Variants in MRE11 observed in about 807,000 individuals in gnomAD.
MRE11 encodes the protein double-strand break repair protein MRE11.
In MRE11, 62 loss-of-function variants were observed where a neutral mutation model predicts 91.7. The observed-to-expected ratio is 0.68, with a 90% CI of 0.55 to 0.84. MRE11 has a LOEUF of 0.84. Ranked by LOEUF, MRE11 falls within the 40% of genes least tolerant of loss-of-function variation. The pLI is 0.00. For missense variants in MRE11, 796 were observed against 852.9 expected, an observed-to-expected ratio of 0.93 and a Z score of 0.83; for synonymous variants, 273 against 271.4, an observed-to-expected ratio of 1.01 and a Z score of -0.06.
chr11:94,453,688 T>C (rs1946174046), intron 14 of MRE11, among the ~76,000 whole-genome samples: 1 of 152,232 alleles, frequency 6.6e-6, no homozygotes, highest in South Asian at 2.1e-4. Flanking sequence ...TGTTGAGCTT[T>C]AGAAGTTTTA....
At chr11:94,432,740 A>T (rs1348133831) in intron 18 of MRE11, among the ~76,000 whole-genome samples, 1 of 152,212 alleles carries the variant, frequency 6.6e-6, no homozygotes, top group African/African-American at 2.4e-5. Flanking sequence ...CAGGAGGCGG[A>T]GCTTGCAGTG....
Position 94,445,875 on chromosome 11 carries a change from G to A in MRE11, c.1802C>T (p.Thr601Ile). The change falls in exon 16 of 20, where the codon ACT becomes ATT. Residue 601 changes from threonine (T) to isoleucine (I), a missense_variant. Physicochemically the swap from Thr to Ile is moderately conservative, Grantham distance 89 (BLOSUM62 -1). Coordinates refer to ENST00000323929, the MANE Select transcript of MRE11 (RefSeq NM_005591.4). ...QRGRADTGLE[T>I]STRSRNSKTA... ...CTTTGAGTTCCTGCTACGGGTAGAA[G>A]TCTCCAGACCAGTGTCTGCTGTTAG... The A allele has an allele frequency of 6.2e-7, 1 of 1,613,644 alleles. No individual in the cohort carries two copies. Among genetic ancestry groups the A allele is most frequent in the Non-Finnish European group, 8.5e-7 (1 of 1,179,566 alleles).
intron 14 of MRE11, among the ~76,000 whole-genome samples, chr11:94,448,310 C>T (rs1355628221): frequency 6.6e-6 from 1 of 152,164 alleles, no homozygotes; most frequent in Middle Eastern, 3.4e-3. Flanking sequence ...GGCGCAGTGG[C>T]TCACACCTGT....
Position 94,490,878 on chromosome 11 carries a change from C to T in MRE11, c.108G>A (p.Thr36=), listed in dbSNP as rs763003456. The change falls in exon 3 of 20, where the codon ACG becomes ACA. Residue 36 remains threonine (T), a synonymous_variant. Coordinates refer to ENST00000323929, the MANE Select transcript of MRE11 (RefSeq NM_005591.4). ...MEKDAVRGND[T]FVTLDEILRL... is the part of the protein sequence containing the mutation. ...TTAAAATTTCATCGAGTGTTACAAA[C>T]GTATCATTTCCTCTGACTGCATCTT... 6.2e-6 allele frequency: 10 copies of T among 1,613,008 alleles called. No individual in the cohort carries two copies. The highest frequency in any genetic ancestry group is 3.3e-5 in the Admixed American group (2 of 60,014).
chr11:94,492,590 C>A, intron 2 of MRE11, 192 bp downstream of exon 2: 1 of 969,188 alleles, frequency 1.0e-6, no homozygotes. Context: ...TCTATAGCTG[C>A]ATATTAGCTT....
intron 5 of MRE11, among the ~76,000 whole-genome samples, chr11:94,479,341 C>G (rs1260165774): frequency 6.6e-6 from 1 of 152,090 alleles, no homozygotes; most frequent in Admixed American, 6.5e-5. Context: ...CTTGAACAAT[C>G]ATTTCCTAAA....
In MRE11 at chr11:94,419,828, G is replaced by A. The variant is rs113799771; in HGVS notation, c.*297C>T. 1 of 252,868 alleles carries A rather than the reference G, an allele frequency of 4.0e-6. No homozygotes were observed. The allele number at this position is 252,868 out of a possible 1,614,324, so 15.7% of individuals were successfully genotyped here. On this transcript the variant is annotated 3_prime_UTR_variant, in exon 20 of 20. Transcript: ENST00000323929. ...TTATAAGCTCTTTCCCTCAACTTTG[G>A]CTAAATGTAACCATATTAAAATACT...
chr11:94,472,040 A>C (rs556011952), intron 7 of MRE11, among the ~76,000 whole-genome samples: 113 of 152,146 alleles, frequency 7.4e-4, no homozygotes, highest in Non-Finnish European at 1.4e-3. Context: ...CATAGGAAGG[A>C]TTTCCCCTTT....
chr11:94,473,320 A>G (rs1783000639), intron 7 of MRE11: 1 of 152,164 alleles, frequency 6.6e-6, no homozygotes, highest in South Asian at 2.1e-4. Flanking sequence ...TTGTGCCTTC[A>G]TTGAGTGCTG....
intron 5 of MRE11, 84 bp downstream of exon 5, chr11:94,479,590 G>A: frequency 8.3e-7 from 1 of 1,197,966 alleles, no homozygotes; most frequent in Non-Finnish European, 1.2e-6. Flanking sequence ...TACACAATGA[G>A]AAAAAGGGAA....
At chr11:94,450,402 G>A (rs1170885095) in intron 14 of MRE11, among the ~76,000 whole-genome samples, 1 of 152,098 alleles carries the variant, frequency 6.6e-6, no homozygotes, top group Non-Finnish European at 1.5e-5. Flanking sequence ...TAATTAATAA[G>A]ATAGATCTAA....
intron 14 of MRE11, 56 bp downstream of exon 14, chr11:94,456,220 T>C: frequency 1.3e-6 from 2 of 1,506,104 alleles, no homozygotes; most frequent in East Asian, 4.5e-5. Context: ...ACCTACTGGT[T>C]ATTCTAGTTT....
chr11:94,422,059 AT>A (rs985199916), intron 19 of MRE11, among the ~76,000 whole-genome samples: 2 of 152,234 alleles, frequency 1.3e-5, no homozygotes, highest in African/African-American at 4.8e-5. Context: ...ACAATTAACA[AT>A]TTTTTAAATA....
intron 18 of MRE11, among the ~76,000 whole-genome samples, chr11:94,430,420 A>G (rs1381047174): frequency 6.6e-6 from 1 of 152,172 alleles, no homozygotes; most frequent in South Asian, 2.1e-4. Flanking sequence ...AACCATGGGA[A>G]CATTGAAATA....
At chr11:94,476,616 G>A (rs2135072932) in intron 6 of MRE11, among the ~76,000 whole-genome samples, 1 of 151,946 alleles carries the variant, frequency 6.6e-6, no homozygotes, top group Admixed American at 6.6e-5. Context: ...ATGTTGTCCA[G>A]GCTGGTCTCA....
Position 94,437,198 on chromosome 11 carries a change from G to T in MRE11, c.1905C>A (p.Val635=). The T allele has an allele frequency of 6.2e-7, 1 of 1,612,802 alleles. No homozygotes were observed. The highest frequency in any genetic ancestry group is 1.1e-5 in the South Asian group (1 of 90,880). The part of the protein sequence containing the change: ...KSTRQQPSRN[V]TTKNYSEVIE... ...TTACCTCTGAATAATTCTTAGTAGTGACATTTCGGGAAGGCTGCTGTCTTG... is the reference window on the plus strand; with the variant it reads ...TTACCTCTGAATAATTCTTAGTAGTTACATTTCGGGAAGGCTGCTGTCTTG... The change falls in exon 17 of 20, where the codon GTC becomes GTA. Residue 635 remains valine (V), a synonymous_variant. Transcript: ENST00000323929.
chr11:94,452,418 G>C (rs1167132546), intron 14 of MRE11, among the ~76,000 whole-genome samples: 1 of 152,120 alleles, frequency 6.6e-6, no homozygotes, highest in African/African-American at 2.4e-5. Context: ...AATACATCAC[G>C]ATGGTAAAGA....
intron 7 of MRE11, 115 bp from the exon 8 acceptor site, chr11:94,471,874 G>T: frequency 1.2e-6 from 1 of 808,210 alleles, no homozygotes; most frequent in South Asian, 1.7e-5. Flanking sequence ...ATCCTTCTAT[G>T]TACCAGAAAG....
chr11:94,452,068 TGGTAGCGCGCGCTAGC>T (rs1946122968), intron 14 of MRE11, among the ~76,000 whole-genome samples: 10 of 152,044 alleles, frequency 6.6e-5, no homozygotes, highest in Admixed American at 2.6e-4. Flanking sequence ...TAGCTGGGCA[TGGTAGCGCGCGCTAGC>T]TACTCGGGAG....
Sources: allele counts gnomAD v4.1 joint callset (sites outside exome capture counted in the v4.1 genomes callset), GRCh38; gene constraint gnomAD v4.1.1; transcripts MANE v1.5; gene names NCBI Gene and HGNC (gene_info 2026-07-23, HGNC 2026-07-21).